ZNRF3: variants seen among roughly 807,000 people sequenced by gnomAD.
ZNRF3 encodes zinc and ring finger 3.
A neutral mutation model predicts 72.5 loss-of-function variants in ZNRF3; 23 were observed. The ratio of observed to expected loss-of-function variants is 0.32; its 90% CI spans 0.23 to 0.45. ZNRF3 has a LOEUF of 0.45. Among genes scored for constraint, ZNRF3 ranks in the 20% least tolerant of loss-of-function variants. The probability of loss-of-function intolerance (pLI) is 1.00; values close to 1 mark genes in which losing one functional copy is unlikely to be tolerated. For missense variants in ZNRF3, 1,169 were observed against 1,272.1 expected (o/e 0.92, Z 1.23); for synonymous variants, 610 against 545.3 (o/e 1.12, Z -1.65).
At chr22:29,010,497 A>G (rs1601660676) in intron 2 of ZNRF3, among the ~76,000 whole-genome samples, 1 of 152,230 alleles carries the variant, frequency 6.6e-6, no homozygotes, top group East Asian at 1.9e-4. Context: ...TTATTCATTC[A>G]TCTATCTATG....
At chr22:28,892,472 G>A (rs1260040039) in intron 1 of ZNRF3, among the ~76,000 whole-genome samples, 1 of 152,212 alleles carries the variant, frequency 6.6e-6, no homozygotes, top group Non-Finnish European at 1.5e-5. Context: ...TACCTTTGAG[G>A]TTAAAGCTGA....
chr22:28,977,135 G>A (rs904082530), intron 1 of ZNRF3, among the ~76,000 whole-genome samples: 2 of 152,184 alleles, frequency 1.3e-5, no homozygotes, highest in Admixed American at 6.5e-5. Context: ...CTCAAAAAAA[G>A]TGATACCCAC....
intron 1 of ZNRF3, among the ~76,000 whole-genome samples, chr22:28,918,560 G>A (rs932357160): frequency 1.3e-5 from 2 of 151,740 alleles, no homozygotes; most frequent in Non-Finnish European, 2.9e-5. Flanking sequence ...GTGTGTGTGT[G>A]TGTGTGTGTG....
chr22:28,890,997 T>C (rs2033876713), intron 1 of ZNRF3, among the ~76,000 whole-genome samples: 1 of 152,188 alleles, frequency 6.6e-6, no homozygotes, highest in Non-Finnish European at 1.5e-5. Context: ...CCTCAAGTGA[T>C]CCTCCTGCCT....
intron 1 of ZNRF3, among the ~76,000 whole-genome samples, chr22:28,892,634 A>G (rs1457074499): frequency 6.6e-6 from 1 of 152,206 alleles, no homozygotes; most frequent in African/African-American, 2.4e-5. Context: ...TGTCAAAAGA[A>G]TAAGGTCAGC....
chr22:28,927,095 G>C (rs1344353010), intron 1 of ZNRF3, among the ~76,000 whole-genome samples: 1 of 149,588 alleles, frequency 6.7e-6, no homozygotes, highest in Non-Finnish European at 1.5e-5. Flanking sequence ...AACAGAGTGA[G>C]ACTTCATCTC....
chr22:28,986,792 C>T (rs2035862429), intron 1 of ZNRF3, among the ~76,000 whole-genome samples: 1 of 152,172 alleles, frequency 6.6e-6, no homozygotes, highest in South Asian at 2.1e-4. Flanking sequence ...GTGCTGTTTT[C>T]TTTCCCTAGA....
chr22:28,951,728 G>C (rs930083334), intron 1 of ZNRF3, among the ~76,000 whole-genome samples: 7 of 152,162 alleles, frequency 4.6e-5, no homozygotes, highest in African/African-American at 1.7e-4. Flanking sequence ...TGTTCTACAG[G>C]TCACACCACG....
At chr22:28,928,490 C>CTTTTTTTTTTTTTTTTTTTTTTTTTTT (rs10710766) in intron 1 of ZNRF3, among the ~76,000 whole-genome samples, 1 of 80,602 alleles carries the variant, frequency 1.2e-5, no homozygotes, top group Non-Finnish European at 2.5e-5. Context: ...CCAGAAATGT[C>CTTTTTTTTTTTTTTTTTTTTTTTTTTT]TTTTTTTTTT....
chr22:28,958,877 C>T (rs190840989), intron 1 of ZNRF3, among the ~76,000 whole-genome samples: 22 of 152,306 alleles, frequency 1.4e-4, no homozygotes, highest in African/African-American at 9.6e-5. Context: ...TTAGTCCTTG[C>T]GTCTTACAGC....
intron 1 of ZNRF3, among the ~76,000 whole-genome samples, chr22:28,952,615 T>C (rs1227159541): frequency 1.3e-5 from 2 of 152,194 alleles, no homozygotes; most frequent in Non-Finnish European, 2.9e-5. Flanking sequence ...TATTTTCTAT[T>C]TTGCTTAAGA....
intron 4 of ZNRF3, 124 bp from the exon 5 acceptor site, chr22:29,044,656 T>C: frequency 1.4e-6 from 1 of 702,132 alleles, no homozygotes; most frequent in Non-Finnish European, 2.6e-6. Context: ...AGGAGTTTCC[T>C]GCAAATTGAG....
chr22:28,966,461 G>A (rs1170059385), intron 1 of ZNRF3, among the ~76,000 whole-genome samples: 2 of 152,132 alleles, frequency 1.3e-5, no homozygotes, highest in East Asian at 1.9e-4. Context: ...GGAGGTATTC[G>A]AGAATAAAGC....
In ZNRF3 at chr22:29,019,151, C is replaced by G. The variant is rs1295733148; in HGVS notation, c.427-23344C>G. ...CAAGCATGAACACCCATGAACTATT[C>G]GATCCCCTCAAGCATTTTCCAAGCT... On this transcript the variant is annotated intron_variant, in intron 2 of 8. Transcript: ENST00000544604. Among the ~76,000 whole-genome samples, 3 of 151,944 alleles carry G rather than the reference C, an allele frequency of 2.0e-5. No individual in the cohort carries two copies. The East Asian group carries it at 5.8e-4, about 29-fold the overall frequency.
intron 1 of ZNRF3, among the ~76,000 whole-genome samples, chr22:28,915,486 C>T (rs1190435491): frequency 3.3e-5 from 5 of 152,192 alleles, no homozygotes; most frequent in Non-Finnish European, 1.5e-5. Context: ...CTGCCCATAA[C>T]ACAGAGCCAT....
At chr22:29,024,032 G>T (rs2036581704) in intron 2 of ZNRF3, among the ~76,000 whole-genome samples, 1 of 152,170 alleles carries the variant, frequency 6.6e-6, no homozygotes, top group Non-Finnish European at 1.5e-5. Flanking sequence ...CTCTTTTCCT[G>T]TTCTTCTTTT....
At chr22:28,941,606 A>G (rs2034948776) in intron 1 of ZNRF3, among the ~76,000 whole-genome samples, 2 of 152,206 alleles carry the variant, frequency 1.3e-5, no homozygotes, top group African/African-American at 4.8e-5. Context: ...TGGTGAAGAC[A>G]GACCCATTCA....
intron 1 of ZNRF3, among the ~76,000 whole-genome samples, chr22:28,951,266 G>C (rs2035156320): frequency 6.6e-6 from 1 of 152,102 alleles, no homozygotes; most frequent in Non-Finnish European, 1.5e-5. Flanking sequence ...CTAACTCCCA[G>C]CACCTCAGAA....
intron 2 of ZNRF3, among the ~76,000 whole-genome samples, chr22:28,987,906 G>A (rs925793910): frequency 2.0e-5 from 3 of 152,096 alleles, no homozygotes; most frequent in African/African-American, 4.8e-5. Context: ...AGATGCAAAC[G>A]CCTCACACAA....
Sources: allele counts gnomAD v4.1 joint callset (sites outside exome capture counted in the v4.1 genomes callset), GRCh38; gene constraint gnomAD v4.1.1; transcripts MANE v1.5; gene names NCBI Gene and HGNC (gene_info 2026-07-23, HGNC 2026-07-21).